Variants in ABR observed in about 807,000 individuals in gnomAD.
The protein encoded by ABR is active breakpoint cluster region-related protein.
ABR carries 35 observed loss-of-function variants against 107.2 expected under a neutral mutation model. The ratio of observed to expected loss-of-function variants is 0.33; its 90% confidence interval spans 0.25 to 0.43. The LOEUF (loss-of-function observed/expected upper bound fraction) is 0.43, where lower values mean the gene tolerates loss of function less well. Ranked by LOEUF, ABR falls within the 20% of genes least tolerant of loss-of-function variation. The pLI, the probability that ABR is intolerant of heterozygous loss-of-function variation, is 1.00. For synonymous variants in ABR, 498 were observed against 462.0 expected (o/e 1.08, Z -1.00); for missense variants, 815 against 1,115.2 (o/e 0.73, Z 3.83).
At chr17:1,199,938 T>C (rs1382484426) in intron 1 of ABR, among the ~76,000 whole-genome samples, 1 of 149,560 alleles carries the variant, frequency 6.7e-6, no homozygotes, top group Non-Finnish European at 1.5e-5. Flanking sequence ...TTTTTTTTTA[T>C]TATACTTTAA....
chr17:1,048,845 G>A (rs1055675579), intron 16 of ABR, among the ~76,000 whole-genome samples: 2 of 152,232 alleles, frequency 1.3e-5, no homozygotes, highest in East Asian at 1.9e-4. Flanking sequence ...TGCGGCCACT[G>A]TCAAGAAGCT....
chr17:1,156,385 C>T lies in ABR; in HGVS notation c.61+23282G>A, dbSNP rs1006676404. Among the ~76,000 whole-genome samples, 15 of 152,198 alleles carry T rather than the reference C, an allele frequency of 9.9e-5. 1 individual carries two copies. In the South Asian group the frequency reaches 2.3e-3, roughly 23 times the overall value. ...TCTCCTGAGTTCCTGGCTGGGTAGC[C>T]GGGTAGACGGCAGAGCTAAATGCTG... On this transcript the variant is annotated intron_variant, in intron 1 of 22. Coordinates refer to ENST00000302538, the MANE Select transcript of ABR (RefSeq NM_021962.5).
At chr17:1,107,535 A>G (rs966141966) in intron 2 of ABR, among the ~76,000 whole-genome samples, 2 of 152,240 alleles carry the variant, frequency 1.3e-5, no homozygotes, top group African/African-American at 4.8e-5. Flanking sequence ...GGGGAGGTCC[A>G]GGAGGCAGCC....
upstream of ABR, among the ~76,000 whole-genome samples, chr17:1,180,495 C>A (rs904101790): frequency 3.3e-5 from 5 of 152,152 alleles, no homozygotes; most frequent in Admixed American, 2.6e-4. Flanking sequence ...GTTCCCGCCA[C>A]ACATGGAGGG....
intron 1 of ABR, among the ~76,000 whole-genome samples, chr17:1,206,252 T>A (rs2042786616): frequency 6.6e-6 from 1 of 152,146 alleles, no homozygotes; most frequent in African/African-American, 2.4e-5. Context: ...CACTGATGCG[T>A]TTATAGTGTA....
At chr17:1,215,252 C>G (rs1310307259) in intron 1 of ABR, among the ~76,000 whole-genome samples, 4 of 151,204 alleles carry the variant, frequency 2.6e-5, no homozygotes, top group African/African-American at 9.7e-5. Context: ...AGAGCTCTCC[C>G]TCTCCCTCTC....
chr17:1,006,068 C>G lies in ABR; in HGVS notation c.*12G>C, dbSNP rs772478821. 1 of 1,556,838 alleles carries G rather than the reference C, an allele frequency of 6.4e-7. No homozygotes were observed. The highest frequency in any genetic ancestry group is 8.7e-7 in the Non-Finnish European group (1 of 1,149,522). On this transcript the variant is annotated 3_prime_UTR_variant, in exon 23 of 23. Transcript: ENST00000302538. ...TGGTTCCACCACCCGCCCGCAGCCACCCTGCCTCGGGCTACACGTCGGTGG... is the reference window on the plus strand; with the variant it reads ...TGGTTCCACCACCCGCCCGCAGCCAGCCTGCCTCGGGCTACACGTCGGTGG...
intron 1 of ABR, among the ~76,000 whole-genome samples, chr17:1,132,480 G>A (rs1333822985): frequency 1.3e-5 from 2 of 148,430 alleles, no homozygotes; most frequent in African/African-American, 5.0e-5. Flanking sequence ...CCAGGTTCAA[G>A]CGATTCTCCC....
intron 10 of ABR, among the ~76,000 whole-genome samples, chr17:1,061,985 C>G (rs1025540778): frequency 2.0e-5 from 3 of 152,184 alleles, no homozygotes; most frequent in African/African-American, 7.2e-5. Flanking sequence ...TAAGCAAAGC[C>G]ACAGGTGAAC....
chr17:1,018,808 T>C (rs2071402981), intron 16 of ABR, among the ~76,000 whole-genome samples: 1 of 152,210 alleles, frequency 6.6e-6, no homozygotes, highest in Admixed American at 6.5e-5. Flanking sequence ...ATGAATCCTC[T>C]ACACACAGCA....
At position 1,148,577 on chromosome 17, in the gene ABR, C is replaced by T. The variant is rs536054056; in HGVS notation, c.62-23210G>A. On this transcript the variant is annotated intron_variant, in intron 1 of 22. Transcript: ENST00000302538. The surrounding 1 kb of genome is among the most constrained non-coding windows in gnomAD (Gnocchi z 4.9). ...TGAGCAAGCGTCACCCCCTGAACCC[C>T]ACTTCCCATCCGAGCAGCAGCGGCA... 7.9e-5 allele frequency among the ~76,000 whole-genome samples: 12 copies of T among 152,324 alleles called. No homozygotes were observed. Among genetic ancestry groups the T allele is most frequent in the South Asian group, 4.1e-4 (2 of 4,824 alleles).
Position 1,050,293 on chromosome 17 carries a change from A to G in ABR, c.1660-112T>C. 2 of 1,367,386 alleles carry G rather than the reference A, an allele frequency of 1.5e-6. No individual in the cohort carries two copies. Among genetic ancestry groups the G allele is most frequent in the East Asian group, 4.7e-5 (2 of 42,274 alleles). The allele number at this position is 1,367,386 out of a possible 1,614,324, so 84.7% of individuals were successfully genotyped here. On this transcript the variant is annotated intron_variant, in intron 15 of 22. Transcript: ENST00000302538. The surrounding 1 kb of genome is among the most constrained non-coding windows in gnomAD (Gnocchi z 4.6). ...AGGAGGGAGTAAGCACGGCCCACGA[A>G]GGACACGTCAGATTTTCTGGAGCTC...
chr17:1,113,293 T>G (rs1269319505), intron 2 of ABR, among the ~76,000 whole-genome samples: 1 of 143,252 alleles, frequency 7.0e-6, no homozygotes, highest in African/African-American at 2.6e-5. Flanking sequence ...TTTTTTTTTT[T>G]TTTTTTTTTT....
intron 3 of ABR, among the ~76,000 whole-genome samples, chr17:1,097,062 T>C (rs897642134): frequency 6.6e-6 from 1 of 152,174 alleles, no homozygotes; most frequent in African/African-American, 2.4e-5. Flanking sequence ...AGATTCTGCC[T>C]TTGGGGCATG....
intron 9 of ABR, among the ~76,000 whole-genome samples, chr17:1,068,223 G>A (rs543017118): frequency 4.6e-5 from 7 of 152,210 alleles, no homozygotes; most frequent in African/African-American, 1.2e-4. Context: ...ATAAGCCACC[G>A]TGCCCGCCCA....
At position 1,010,323 on chromosome 17, in the gene ABR, T is replaced by C. The variant is rs2070422893; in HGVS notation, c.2236+406A>G. On this transcript the variant is annotated intron_variant, in intron 20 of 22. Transcript: ENST00000302538. The surrounding 1 kb of genome is among the most constrained non-coding windows in gnomAD (Gnocchi z 4.1). ...GCCCTCCGCAGAGGTGACGGGACGG[T>C]GTGTGGTCCCGCTGGAAGGCTCAGC... The C allele has an allele frequency of 8.6e-6, 2 of 233,056 alleles. No homozygotes were observed. The highest frequency in any genetic ancestry group is 5.1e-5 in the Admixed American group (1 of 19,740). The allele number at this position is 233,056 out of a possible 1,614,324, so 14.4% of individuals were successfully genotyped here. A position where few individuals can be genotyped will look rare whatever the true frequency, so the allele number is the denominator to read the frequency against.
At chr17:1,204,901 CT>C (rs869034249) in intron 1 of ABR, among the ~76,000 whole-genome samples, 137 of 32,140 alleles carry the variant, frequency 4.3e-3, no homozygotes, top group African/African-American at 0.014. Context: ...TTTTCTTTTT[CT>C]TTTTTTTTTT....
At chr17:1,088,452 T>TTAATAATAATAA (rs60961802) in intron 4 of ABR, among the ~76,000 whole-genome samples, 17 of 143,518 alleles carry the variant, frequency 1.2e-4, no homozygotes, top group South Asian at 4.5e-4. Flanking sequence ...TCTTCCCAAT[T>TTAATAATAATAA]TAATAATAAT....
chr17:1,042,512 C>CGGAT, intron 16 of ABR, among the ~76,000 whole-genome samples: 1 of 69,124 alleles, frequency 1.4e-5, no homozygotes, highest in East Asian at 1.1e-3. Flanking sequence ...CCTACATCCA[C>CGGAT]GGACGGATGG....
Sources: gnomAD v4.1 joint callset for allele counts (sites outside exome capture counted in the v4.1 genomes callset) on GRCh38, gnomAD v4.1.1 for gene constraint, Gnocchi (gnomAD v3.1) non-coding constraint, MANE v1.5 for transcripts, NCBI Gene and HGNC (gene_info 2026-07-23, HGNC 2026-07-21) for gene names.